Variants in FHIT observed in about 807,000 individuals in gnomAD.
The protein encoded by FHIT is fragile histidine triad diadenosine triphosphatase.
Under a neutral mutation model 17.9 loss-of-function variants are expected in FHIT, and 19 were observed. The ratio of observed to expected loss-of-function variants is 1.06; its 90% CI spans 0.74 to 1.56. The LOEUF (loss-of-function observed/expected upper bound fraction) is 1.56, where lower values mean the gene tolerates loss of function less well. Among genes scored for constraint, FHIT ranks in the 40% most tolerant of loss-of-function variants. The pLI is 0.00. For synonymous variants in FHIT, 81 were observed against 69.7 expected, an observed-to-expected ratio of 1.16 and a Z score of -0.81; for missense variants, 248 against 189.2, an observed-to-expected ratio of 1.31 and a Z score of -1.82.
chr3:60,860,317 G>GTATACATGAC (rs1703636730), intron 3 of FHIT, among the ~76,000 whole-genome samples: 1 of 27,290 alleles, frequency 3.7e-5, no homozygotes, highest in Admixed American at 4.7e-4. Context: ...GTATACATGA[G>GTATACATGAC]ATACATCATA....
At chr3:59,752,113 AC>A in intron 9 of FHIT, 107 bp downstream of exon 9, 1 of 727,372 alleles carries the variant, frequency 1.4e-6, no homozygotes, top group Non-Finnish European at 2.3e-6. Flanking sequence ...TGCAGCCACC[AC>A]CCAAGGATGC....
At chr3:60,120,016 T>C (rs1705174368) in intron 5 of FHIT, among the ~76,000 whole-genome samples, 1 of 152,182 alleles carries the variant, frequency 6.6e-6, no homozygotes, top group African/African-American at 2.4e-5. Flanking sequence ...AAAATCAGCC[T>C]AATCAACATT....
chr3:60,533,433 G>C lies in FHIT; in HGVS notation c.103+3427C>G, dbSNP rs17063479. On this transcript the variant is annotated intron_variant, in intron 5 of 9. Transcript: ENST00000492590. ...GCAGGTCTCGTCCATAGGAAGCAAA[G>C]ACTCAGTGCAGACAGAAATAGGGAT... Among the ~76,000 whole-genome samples, 225 of 152,328 alleles carry C rather than the reference G, an allele frequency of 1.5e-3. 6 individuals are homozygous for C. The East Asian group carries it at 0.037, about 25-fold the overall frequency.
At chr3:60,527,421 A>G (rs2061829565) in intron 5 of FHIT, among the ~76,000 whole-genome samples, 1 of 152,240 alleles carries the variant, frequency 6.6e-6, no homozygotes, top group South Asian at 2.1e-4. Flanking sequence ...TTAATCTTAA[A>G]GATAAAAAGA....
chr3:60,183,447 TGGAG>T (rs2107447508), intron 5 of FHIT, among the ~76,000 whole-genome samples: 1 of 152,186 alleles, frequency 6.6e-6, no homozygotes, highest in East Asian at 1.9e-4. Flanking sequence ...AGTGGTATGA[TGGAG>T]GATTGTTTTG....
rs193081713 is a variant in FHIT, at chr3:60,944,140, G to A, written c.-111+97907C>T. On this transcript the variant is annotated intron_variant, in intron 3 of 9. Coordinates refer to ENST00000492590, the MANE Select transcript of FHIT (RefSeq NM_002012.4). The stretch of plus-strand genomic sequence containing the variant: ...GTTAAATGAGGGTCGCATAGTATAA[G>A]TTAAGAAATTTGAACTTTACCCTAC... 3.9e-5 allele frequency among the ~76,000 whole-genome samples: 6 copies of A among 152,298 alleles called. No individual in the cohort carries two copies. In the East Asian group the frequency reaches 1.2e-3, roughly 29 times the overall value.
At position 60,173,915 on chromosome 3, in the gene FHIT, A is replaced by ATATATATATATATATTTTT; in HGVS notation, c.104-159764_104-159763insAAAAATATATATATATATA. Among the ~76,000 whole-genome samples, 4 of 66,438 alleles carry ATATATATATATATATTTTT rather than the reference A, an allele frequency of 6.0e-5. 1 individual carries two copies. Among genetic ancestry groups the ATATATATATATATATTTTT allele is most frequent in the Non-Finnish European group, 8.3e-5 (3 of 36,120 alleles). The allele number at this position is 66,438 out of a possible 152,430, so 43.6% of individuals were successfully genotyped here. A position where few individuals can be genotyped will look rare whatever the true frequency, so the allele number is the denominator to read the frequency against. Reference sequence around the variant, plus strand: ...TATATATATATATATATATATATATATGTTTTTTTTTTTTTTTGAGATCGA... The same window carrying ATATATATATATATATTTTT: ...TATATATATATATATATATATATATATATATATATATATATTTTTTGTTTTTTTTTTTTTTTGAGATCGA... On this transcript the variant is annotated intron_variant, in intron 5 of 9. Transcript: ENST00000492590.
chr3:59,970,673 A>T (rs1300939290), intron 7 of FHIT, among the ~76,000 whole-genome samples: 1 of 152,046 alleles, frequency 6.6e-6, no homozygotes, highest in African/African-American at 2.4e-5. Context: ...CGAGCAGCAT[A>T]TGCTTGATTT....
At chr3:60,754,020 G>A (rs1452770266) in intron 4 of FHIT, among the ~76,000 whole-genome samples, 1 of 152,056 alleles carries the variant, frequency 6.6e-6, no homozygotes, top group Non-Finnish European at 1.5e-5. Flanking sequence ...ATCAATAAAA[G>A]GGCCTTTCCT....
intron 2 of FHIT, among the ~76,000 whole-genome samples, chr3:61,199,967 T>C (rs1007051521): frequency 6.6e-6 from 1 of 152,172 alleles, no homozygotes; most frequent in African/African-American, 2.4e-5. Flanking sequence ...CTCATAAATA[T>C]ACCTAGCAAA....
At chr3:59,865,490 C>A (rs748473965) in intron 8 of FHIT, among the ~76,000 whole-genome samples, 13 of 152,276 alleles carry the variant, frequency 8.5e-5, no homozygotes, top group African/African-American at 2.9e-4. Context: ...AAATGGGAAG[C>A]CTTTATGTCA....
At chr3:60,724,521 A>T (rs1273603183) in intron 4 of FHIT, among the ~76,000 whole-genome samples, 1 of 152,130 alleles carries the variant, frequency 6.6e-6, no homozygotes, top group Non-Finnish European at 1.5e-5. Flanking sequence ...TGGGTCATAC[A>T]TATGTTTAAC....
chr3:59,988,921 C>A (rs758689846), intron 7 of FHIT, among the ~76,000 whole-genome samples: 24 of 152,108 alleles, frequency 1.6e-4, no homozygotes, highest in Non-Finnish European at 3.2e-4. Context: ...AAGACAGATT[C>A]TCCCACCTAT....
At chr3:61,134,087 T>TCACACACACATACACA (rs2036840784) in intron 2 of FHIT, among the ~76,000 whole-genome samples, 1 of 42,562 alleles carries the variant, frequency 2.3e-5, no homozygotes, top group African/African-American at 1.0e-4. Context: ...AGACTCTGTC[T>TCACACACACATACACA]CACACACACA....
chr3:60,342,827 C>G (rs184333227), intron 5 of FHIT, among the ~76,000 whole-genome samples: 308 of 152,230 alleles, frequency 2.0e-3, no homozygotes, highest in Non-Finnish European at 3.5e-3. Flanking sequence ...AATTGGAAAT[C>G]TGCTCACATT....
chr3:60,709,853 C>A (rs566444516), intron 4 of FHIT, among the ~76,000 whole-genome samples: 1 of 152,250 alleles, frequency 6.6e-6, no homozygotes. Context: ...AACAGACTCA[C>A]TTTGTGCATT....
chr3:60,870,993 T>C (rs563460640), intron 3 of FHIT, among the ~76,000 whole-genome samples: 36 of 152,218 alleles, frequency 2.4e-4, no homozygotes, highest in African/African-American at 8.7e-4. Context: ...ATTTGTTACC[T>C]TACTCTTAAT....
At chr3:59,845,237 C>T (rs1701676719) in intron 8 of FHIT, among the ~76,000 whole-genome samples, 1 of 151,636 alleles carries the variant, frequency 6.6e-6, no homozygotes, top group Non-Finnish European at 1.5e-5. Flanking sequence ...ATCACTTTTT[C>T]CCCTGATTTT....
intron 7 of FHIT, among the ~76,000 whole-genome samples, chr3:59,983,885 A>G (rs1708767023): frequency 6.6e-6 from 1 of 152,132 alleles, no homozygotes; most frequent in Non-Finnish European, 1.5e-5. Context: ...AACTATAATT[A>G]ATCCAGTCAT....
Sources: gnomAD v4.1 joint callset for allele counts (sites outside exome capture counted in the v4.1 genomes callset) on GRCh38, gnomAD v4.1.1 for gene constraint, MANE v1.5 for transcripts, NCBI Gene and HGNC (gene_info 2026-07-23, HGNC 2026-07-21) for gene names.